Variants in TMTC1 observed in about 807,000 individuals in gnomAD.
TMTC1 encodes protein O-mannosyl-transferase TMTC1.
In TMTC1, 73 loss-of-function variants were observed where a neutral mutation model predicts 104.8. The observed-to-expected ratio is 0.70, with a 90% confidence interval of 0.58 to 0.85. The LOEUF (loss-of-function observed/expected upper bound fraction) is 0.85, where lower values mean the gene tolerates loss of function less well. Among genes scored for constraint, TMTC1 ranks in the 40% least tolerant of loss-of-function variants. The pLI is 0.00. For synonymous variants in TMTC1, 434 were observed against 428.7 expected (o/e 1.01, Z -0.15); for missense variants, 1,035 against 1,096.1 (o/e 0.94, Z 0.79).
chr12:29,520,052 T>C lies in TMTC1; in HGVS notation c.1888+566A>G, dbSNP rs557381416. 2.6e-5 allele frequency among the ~76,000 whole-genome samples: 4 copies of C among 152,370 alleles called. No individual in the cohort carries two copies. In the South Asian group the frequency reaches 8.3e-4, roughly 32 times the overall value. Reference sequence around the variant, plus strand: ...TTGCATGCCAACAGTACAGAGGCACTACATAAGTCATAAAGAAAAGAGAAT... The same window carrying C: ...TTGCATGCCAACAGTACAGAGGCACCACATAAGTCATAAAGAAAAGAGAAT... On this transcript the variant is annotated intron_variant, in intron 12 of 17. Coordinates refer to ENST00000539277, the MANE Select transcript of TMTC1 (RefSeq NM_001193451.2).
At chr12:29,657,864 G>A (rs1402162587) in intron 5 of TMTC1, among the ~76,000 whole-genome samples, 1 of 152,162 alleles carries the variant, frequency 6.6e-6, no homozygotes, top group Non-Finnish European at 1.5e-5. Flanking sequence ...CCAGCACTTG[G>A]AGAGGCTGAG....
At chr12:29,548,469 G>A (rs1944999463) in intron 10 of TMTC1, among the ~76,000 whole-genome samples, 1 of 152,084 alleles carries the variant, frequency 6.6e-6, no homozygotes, top group Admixed American at 6.6e-5. Flanking sequence ...CATGGGGGCA[G>A]GTTTTCCCCA....
At chr12:29,689,737 A>C (rs747566286) in intron 5 of TMTC1, among the ~76,000 whole-genome samples, 8 of 152,212 alleles carry the variant, frequency 5.3e-5, no homozygotes, top group Non-Finnish European at 8.8e-5. Flanking sequence ...GGTTGTCATA[A>C]TAAATGAATG....
At chr12:29,748,725 A>G (rs893763867) in intron 5 of TMTC1, among the ~76,000 whole-genome samples, 1 of 152,126 alleles carries the variant, frequency 6.6e-6, no homozygotes, top group African/African-American at 2.4e-5. Flanking sequence ...TCTTCCCCCT[A>G]CTGAGGGACC....
At chr12:29,682,160 C>A (rs923379582) in intron 5 of TMTC1, among the ~76,000 whole-genome samples, 12 of 152,074 alleles carry the variant, frequency 7.9e-5, no homozygotes, top group Non-Finnish European at 1.5e-5. Flanking sequence ...ATGTCACTAG[C>A]CATTAGGGAA....
intron 2 of TMTC1, among the ~76,000 whole-genome samples, chr12:29,762,208 G>A (rs1015334591): frequency 6.6e-6 from 1 of 152,114 alleles, no homozygotes; most frequent in Non-Finnish European, 1.5e-5. Context: ...AAGCATGGAG[G>A]TAAACCATTC....
chr12:29,680,556 G>GA (rs1940879929), intron 5 of TMTC1, among the ~76,000 whole-genome samples: 1 of 152,110 alleles, frequency 6.6e-6, no homozygotes, highest in African/African-American at 2.4e-5. Context: ...TGCCAACTAC[G>GA]TTACAGTCAA....
chr12:29,665,470 A>G (rs1029005953), intron 5 of TMTC1, among the ~76,000 whole-genome samples: 2 of 152,210 alleles, frequency 1.3e-5, no homozygotes, highest in Non-Finnish European at 2.9e-5. Context: ...TTTACCATCC[A>G]TAGTTACTTG....
intron 3 of TMTC1, among the ~76,000 whole-genome samples, 190 bp downstream of exon 3, chr12:29,758,514 T>C (rs1943268117): frequency 6.6e-6 from 1 of 151,976 alleles, no homozygotes; most frequent in Non-Finnish European, 1.5e-5. Context: ...TGCTACAGTG[T>C]GGTTCAGAAT....
intron 5 of TMTC1, among the ~76,000 whole-genome samples, chr12:29,750,615 A>T (rs1271194441): frequency 6.6e-6 from 1 of 152,240 alleles, no homozygotes; most frequent in Non-Finnish European, 1.5e-5. Flanking sequence ...CTGGAAACAA[A>T]GACTGCAGAA....
At chr12:29,726,118 T>C (rs998540778) in intron 5 of TMTC1, among the ~76,000 whole-genome samples, 1 of 152,154 alleles carries the variant, frequency 6.6e-6, no homozygotes, top group Non-Finnish European at 1.5e-5. Flanking sequence ...CATCTAGCAT[T>C]GCTCTGGGAA....
At chr12:29,751,948 G>A (rs1285677611) in intron 4 of TMTC1, 76 bp from the exon 5 acceptor site, 5 of 1,354,032 alleles carry the variant, frequency 3.7e-6, no homozygotes, top group Non-Finnish European at 4.9e-6. Context: ...GCAGTAAACT[G>A]CCCCACCCAC....
intron 5 of TMTC1, among the ~76,000 whole-genome samples, chr12:29,670,559 C>T (rs185623074): frequency 1.6e-4 from 24 of 152,192 alleles, no homozygotes; most frequent in Admixed American, 1.1e-3. Flanking sequence ...CTGTCTTTAC[C>T]GTCCCAGGAG....
intron 5 of TMTC1, among the ~76,000 whole-genome samples, chr12:29,642,130 A>C (rs1643928252): frequency 6.6e-6 from 1 of 152,220 alleles, no homozygotes; most frequent in African/African-American, 2.4e-5. Flanking sequence ...AGTGTTCCTG[A>C]GGAAGAAGAG....
intron 6 of TMTC1, among the ~76,000 whole-genome samples, chr12:29,625,653 A>C (rs1399161984): frequency 6.6e-6 from 1 of 152,258 alleles, no homozygotes; most frequent in Non-Finnish European, 1.5e-5. Context: ...AAAAGGATCA[A>C]CAGCCTTTCA....
At chr12:29,528,767 A>C (rs762952068) in intron 11 of TMTC1, among the ~76,000 whole-genome samples, 82 of 152,298 alleles carry the variant, frequency 5.4e-4, no homozygotes, top group Non-Finnish European at 1.0e-3. Context: ...GAGAATTCCA[A>C]AGAACTTTCC....
rs192854210 is a variant in TMTC1, at chr12:29,660,748, G to A, written c.939-27412C>T. 6.5e-4 allele frequency: 421 copies of A among 643,550 alleles called. 2 individuals carry two copies. The African/African-American group carries it at 7.5e-3, about 11-fold the overall frequency. The allele number at this position is 643,550 out of a possible 1,614,324, so 39.9% of individuals were successfully genotyped here. A position where few individuals can be genotyped will look rare whatever the true frequency, so the allele number is the denominator to read the frequency against. ...TACATGTCTGAGCTGAGATAGAGTG[G>A]AAACATTCCTTATCAGATATTTCAA... is the stretch of plus-strand genomic sequence containing the variant. On this transcript the variant is annotated intron_variant, in intron 5 of 17. Coordinates refer to ENST00000539277, the MANE Select transcript of TMTC1 (RefSeq NM_001193451.2).
chr12:29,683,402 G>A (rs1940985914), intron 5 of TMTC1, among the ~76,000 whole-genome samples: 1 of 152,156 alleles, frequency 6.6e-6, no homozygotes, highest in South Asian at 2.1e-4. Flanking sequence ...TAAAAAGAAA[G>A]AAGTTAGGAT....
intron 9 of TMTC1, among the ~76,000 whole-genome samples, chr12:29,557,564 C>T (rs1056084996): frequency 1.3e-5 from 2 of 152,260 alleles, no homozygotes; most frequent in African/African-American, 4.8e-5. Flanking sequence ...GATTTTCCTG[C>T]TCAGCCTCCC....
Sources: allele counts gnomAD v4.1 joint callset (sites outside exome capture counted in the v4.1 genomes callset), GRCh38; gene constraint gnomAD v4.1.1; transcripts MANE v1.5; gene names NCBI Gene and HGNC (gene_info 2026-07-23, HGNC 2026-07-21).